SEMA3A: variants seen among roughly 807,000 people sequenced by gnomAD.
The protein encoded by SEMA3A is semaphorin 3A.
SEMA3A carries 29 observed loss-of-function variants against 97.9 expected under a neutral mutation model. The observed-to-expected ratio is 0.30, with a 90% CI of 0.22 to 0.40. The LOEUF (loss-of-function observed/expected upper bound fraction) is 0.40, where lower values mean the gene tolerates loss of function less well. Ranked by LOEUF, SEMA3A falls within the 10% of genes least tolerant of loss-of-function variation. SEMA3A has a pLI of 1.00. For missense variants in SEMA3A, 763 were observed against 951.3 expected, an observed-to-expected ratio of 0.80 and a Z score of 2.60; for synonymous variants, 321 against 323.7, an observed-to-expected ratio of 0.99 and a Z score of 0.09.
At chr7:84,378,211 A>T (rs1415610192) in intron 1 of SEMA3A, among the ~76,000 whole-genome samples, 1 of 152,126 alleles carries the variant, frequency 6.6e-6, no homozygotes, top group Non-Finnish European at 1.5e-5. Flanking sequence ...AATTATATTA[A>T]TATTCAAAAG....
intron 1 of SEMA3A, among the ~76,000 whole-genome samples, chr7:84,454,239 CT>C (rs1328633071): frequency 2.6e-5 from 4 of 151,994 alleles, no homozygotes; most frequent in Non-Finnish European, 5.9e-5. Context: ...TTTGTAATGG[CT>C]TTTTTTAAAT....
chr7:84,172,106 T>C (rs968847522), intron 1 of SEMA3A, among the ~76,000 whole-genome samples: 3 of 152,300 alleles, frequency 2.0e-5, no homozygotes, highest in East Asian at 3.9e-4. Context: ...CACATCTCTG[T>C]TTTTAGTCAT....
intron 3 of SEMA3A, among the ~76,000 whole-genome samples, chr7:84,222,858 C>T (rs1255434511): frequency 1.3e-5 from 2 of 151,724 alleles, no homozygotes; most frequent in Non-Finnish European, 3.0e-5. Flanking sequence ...GAAGCTTTTG[C>T]AAAATACAAA....
At chr7:84,380,929 C>A (rs960647325) in intron 1 of SEMA3A, among the ~76,000 whole-genome samples, 1 of 152,174 alleles carries the variant, frequency 6.6e-6, no homozygotes, top group African/African-American at 2.4e-5. Flanking sequence ...ACAGGCTTTA[C>A]CTGGATAATG....
rs56021863 is a variant in SEMA3A at position 84,467,525 on chromosome 7, T to TA, written c.-246+24934dup. On this transcript the variant is annotated intron_variant, in intron 1 of 3. Coordinates refer to the SEMA3A transcript ENST00000424555. ...CTGGGTGACAGAGCGAGACTCCTTCTAAAAAAAAAAAAAAAAAAAAAAAAA... is the reference window on the plus strand; with the variant it reads ...CTGGGTGACAGAGCGAGACTCCTTCTAAAAAAAAAAAAAAAAAAAAAAAAAA... Among the ~76,000 whole-genome samples, 471 of 97,400 alleles carry TA rather than the reference T, an allele frequency of 4.8e-3. 4 individuals carry two copies. Among genetic ancestry groups the TA allele is most frequent in the African/African-American group, 0.013 (326 of 25,500 alleles). The allele number at this position is 97,400 out of a possible 152,430, so 63.9% of individuals were successfully genotyped here.
At chr7:84,469,102 A>C (rs868830382) in intron 1 of SEMA3A, among the ~76,000 whole-genome samples, 23 of 152,328 alleles carry the variant, frequency 1.5e-4, no homozygotes, top group Middle Eastern at 3.4e-3. Flanking sequence ...GTGTTTTAAA[A>C]GTACTGTCCA....
At chr7:84,105,345 T>C (rs1795077652) in intron 4 of SEMA3A, among the ~76,000 whole-genome samples, 1 of 152,158 alleles carries the variant, frequency 6.6e-6, no homozygotes, top group African/African-American at 2.4e-5. Context: ...TGGGGCACTG[T>C]TACTAAGAGG....
chr7:84,329,445 AT>A (rs920291731), intron 2 of SEMA3A, among the ~76,000 whole-genome samples: 3 of 151,978 alleles, frequency 2.0e-5, no homozygotes, highest in Non-Finnish European at 2.9e-5. Flanking sequence ...GTGTTAATAT[AT>A]TTTATATGTG....
At chr7:84,383,163 A>C in intron 1 of SEMA3A, among the ~76,000 whole-genome samples, 1 of 152,184 alleles carries the variant, frequency 6.6e-6, no homozygotes, top group East Asian at 1.9e-4. Flanking sequence ...TAATTTTAAT[A>C]ATGAACTGGA....
intron 4 of SEMA3A, among the ~76,000 whole-genome samples, chr7:84,083,787 A>G (rs1260878879): frequency 2.6e-5 from 4 of 152,092 alleles, no homozygotes; most frequent in African/African-American, 7.2e-5. Context: ...CCAAATATAT[A>G]AAAACACTAA....
chr7:84,024,669 T>C (rs951018175), intron 6 of SEMA3A, among the ~76,000 whole-genome samples: 2 of 152,224 alleles, frequency 1.3e-5, no homozygotes, highest in Non-Finnish European at 2.9e-5. Flanking sequence ...GGAATACACA[T>C]ACATCTATCT....
At chr7:84,406,137 T>C (rs1199653756) in intron 1 of SEMA3A, among the ~76,000 whole-genome samples, 2 of 151,884 alleles carry the variant, frequency 1.3e-5, no homozygotes, top group African/African-American at 4.8e-5. Context: ...ATCAACAAAA[T>C]TGATAGACCA....
chr7:84,232,319 T>C (rs1359643913), intron 3 of SEMA3A, among the ~76,000 whole-genome samples: 1 of 149,484 alleles, frequency 6.7e-6, no homozygotes, highest in African/African-American at 2.4e-5. Context: ...TAAGGTCATA[T>C]TTTGAAAATA....
intron 2 of SEMA3A, among the ~76,000 whole-genome samples, chr7:84,366,115 A>G (rs1338962050): frequency 6.6e-6 from 1 of 151,398 alleles, no homozygotes; most frequent in Non-Finnish European, 1.5e-5. Flanking sequence ...TTATTTTTAT[A>G]AAAGACTCTT....
At chr7:84,342,928 C>T (rs188141364) in intron 2 of SEMA3A, among the ~76,000 whole-genome samples, 3 of 152,098 alleles carry the variant, frequency 2.0e-5, no homozygotes, top group Admixed American at 6.6e-5. Flanking sequence ...CCTGATTGTG[C>T]TTAGTGTATT....
At chr7:84,055,287 G>C (rs866351719) in intron 5 of SEMA3A, among the ~76,000 whole-genome samples, 2 of 150,914 alleles carry the variant, frequency 1.3e-5, no homozygotes, top group Non-Finnish European at 3.0e-5. Flanking sequence ...GCAATGGCGG[G>C]CGCCCCTCCC....
rs528562631 is a variant in SEMA3A at position 83,997,007 on chromosome 7, T to A, written c.1452+4948A>T. Among the ~76,000 whole-genome samples the A allele has an allele frequency of 3.3e-5, 5 of 152,302 alleles. No homozygotes were observed. In the East Asian group the frequency reaches 9.7e-4, roughly 29 times the overall value. ...TTGGATGTAACTGAAACCACTGGAA[T>A]GTGTATGATTAGTCAGGGTGTTCTT... On this transcript the variant is annotated intron_variant, in intron 12 of 16. Coordinates refer to ENST00000265362, the MANE Select transcript of SEMA3A (RefSeq NM_006080.3).
At chr7:84,268,511 C>T (rs1800068558) in intron 3 of SEMA3A, among the ~76,000 whole-genome samples, 1 of 152,072 alleles carries the variant, frequency 6.6e-6, no homozygotes, top group Non-Finnish European at 1.5e-5. Flanking sequence ...GAGCCTAAAG[C>T]AAACCCTGTT....
chr7:84,035,751 T>G (rs1334285754), intron 6 of SEMA3A, among the ~76,000 whole-genome samples: 1 of 151,980 alleles, frequency 6.6e-6, no homozygotes, highest in Non-Finnish European at 1.5e-5. Flanking sequence ...AAGAATACTG[T>G]TTCTGGTTTC....
Sources: gnomAD v4.1 joint callset for allele counts (sites outside exome capture counted in the v4.1 genomes callset) on GRCh38, gnomAD v4.1.1 for gene constraint, MANE v1.5 for transcripts, NCBI Gene and HGNC (gene_info 2026-07-23, HGNC 2026-07-21) for gene names.